The following AFF2 variants were observed in gnomAD, a reference collection of about 807,000 sequenced individuals.
AFF2 encodes the protein ALF transcription elongation factor 2, also known as AF4/FMR2 family member 2.
A neutral mutation model predicts 76.9 loss-of-function variants in AFF2; 14 were observed. The ratio of observed to expected loss-of-function variants is 0.18; its 90% CI spans 0.12 to 0.28. The LOEUF is 0.28. Among genes scored for constraint, AFF2 ranks in the 10% least tolerant of loss-of-function variants. AFF2 has a pLI of 1.00. For missense variants in AFF2, 868 were observed against 1,001.1 expected, an observed-to-expected ratio of 0.87 and a Z score of 1.79; for synonymous variants, 398 against 366.7, an observed-to-expected ratio of 1.09 and a Z score of -0.98.
chrX:148,562,885 C>T (rs782035309), intron 1 of AFF2, among the ~76,000 whole-genome samples: 8 of 111,622 alleles, frequency 7.2e-5, no homozygotes, highest in Non-Finnish European at 1.3e-4. Flanking sequence ...GGTCTGCAGA[C>T]ATGAAAAAAG....
intron 5 of AFF2, among the ~76,000 whole-genome samples, chrX:148,841,310 A>C (rs2124670541): frequency 8.9e-6 from 1 of 112,241 alleles, no homozygotes; most frequent in East Asian, 2.8e-4. Flanking sequence ...TACATGGTTA[A>C]CAAGTCATTT....
intron 4 of AFF2, among the ~76,000 whole-genome samples, chrX:148,826,386 TA>T (rs1199538539): frequency 0.017 from 1,779 of 102,895 alleles, 27 homozygotes; most frequent in African/African-American, 0.056. Flanking sequence ...ACCTTTTAAT[TA>T]AAAAAAAAAA....
chrX:148,938,677 T>G (rs914857878), intron 9 of AFF2, among the ~76,000 whole-genome samples: 2 of 112,293 alleles, frequency 1.8e-5, no homozygotes, highest in Non-Finnish European at 3.8e-5. Flanking sequence ...TCTTTATGTT[T>G]CAGTTGATGT....
chrX:148,773,710 G>GAA (rs1306413881), intron 3 of AFF2, among the ~76,000 whole-genome samples: 2 of 94,306 alleles, frequency 2.1e-5, no homozygotes, highest in Non-Finnish European at 2.0e-5. Context: ...AAGAAAGAAA[G>GAA]AAAGAAAGAA....
At chrX:148,916,775 C>G (rs2071538056) in intron 9 of AFF2, among the ~76,000 whole-genome samples, 2 of 111,779 alleles carry the variant, frequency 1.8e-5, no homozygotes, top group South Asian at 7.6e-4. Context: ...ATCATTCTCT[C>G]TCTCTCACTC....
chrX:148,549,738 T>A (rs2052968852), intron 1 of AFF2, among the ~76,000 whole-genome samples: 1 of 111,647 alleles, frequency 9.0e-6, no homozygotes, highest in Admixed American at 9.5e-5. Context: ...TTTTGTGGGA[T>A]TTGTGGTGAG....
chrX:148,773,681 GGAAGGAAAGAAAGAAAGAAAGAAAGAAA>G (rs1362041649), intron 3 of AFF2, among the ~76,000 whole-genome samples: 1,617 of 42,147 alleles, frequency 0.038, 52 homozygotes, highest in African/African-American at 0.1. Flanking sequence ...AAGGAAGGAA[GGAAGGAAAGAAAGAAAGAAAGAAAGAAA>G]GAAAGAAAGA....
At chrX:148,609,180 G>A (rs1723741166) in intron 1 of AFF2, among the ~76,000 whole-genome samples, 1 of 111,362 alleles carries the variant, frequency 9.0e-6, no homozygotes, top group Admixed American at 9.5e-5. Context: ...GAGGGTCTGT[G>A]AGAGCTTAAT....
chrX:148,581,285 T>TAC (rs2053384053), intron 1 of AFF2, among the ~76,000 whole-genome samples: 1 of 72,383 alleles, frequency 1.4e-5, no homozygotes, highest in African/African-American at 6.0e-5. Flanking sequence ...TACACGTATA[T>TAC]ACGTATACGT....
intron 3 of AFF2, among the ~76,000 whole-genome samples, chrX:148,734,997 T>G: frequency 8.9e-6 from 1 of 112,175 alleles, no homozygotes; most frequent in Non-Finnish European, 1.9e-5. Flanking sequence ...AATGTCATTG[T>G]GTGCCTATAG....
chrX:148,790,280 T>C (rs966459166), intron 3 of AFF2, among the ~76,000 whole-genome samples: 1 of 111,750 alleles, frequency 8.9e-6, no homozygotes, highest in Admixed American at 9.5e-5. Context: ...GACAGTGTGG[T>C]GATTCCTCAA....
At chrX:148,592,318 G>A (rs782438750) in intron 1 of AFF2, among the ~76,000 whole-genome samples, 8 of 110,860 alleles carry the variant, frequency 7.2e-5, no homozygotes, top group Non-Finnish European at 1.5e-4. Context: ...ACTAACATTG[G>A]TTTATTATAG....
chrX:148,567,496 A>G (rs2053182127), intron 1 of AFF2, among the ~76,000 whole-genome samples: 2 of 111,777 alleles, frequency 1.8e-5, no homozygotes. Flanking sequence ...TTATGGTGAC[A>G]CTGATGAGAC....
intron 3 of AFF2, among the ~76,000 whole-genome samples, chrX:148,677,001 G>A (rs185798452): frequency 9.0e-6 from 1 of 110,973 alleles, no homozygotes; most frequent in African/African-American, 3.3e-5. Flanking sequence ...AACATGTTAG[G>A]GCTGGTGAGA....
At chrX:148,638,856 A>G (rs1405890278) in intron 1 of AFF2, among the ~76,000 whole-genome samples, 1 of 111,738 alleles carries the variant, frequency 8.9e-6, no homozygotes, top group Non-Finnish European at 1.9e-5. Flanking sequence ...TATCCAAACT[A>G]TATCACCCAA....
intron 15 of AFF2, among the ~76,000 whole-genome samples, chrX:148,971,659 CAAG>C (rs1487734315): frequency 9.5e-6 from 1 of 105,785 alleles, no homozygotes; most frequent in African/African-American, 3.5e-5. Context: ...CAAGGCATGT[CAAG>C]AAGAATTGCA....
At chrX:148,955,079 T>C (rs73614054) in intron 10 of AFF2, among the ~76,000 whole-genome samples, 1,448 of 112,857 alleles carry the variant, frequency 0.013, 22 homozygotes, top group African/African-American at 0.044. Flanking sequence ...TCAGTAAAAA[T>C]ACAAAAGGCC....
chrX:148,806,932 T>C lies in AFF2; in HGVS notation c.1042-2944T>C, dbSNP rs782219907. Among the ~76,000 whole-genome samples, 3 of 112,495 alleles carry C rather than the reference T, an allele frequency of 2.7e-5. No individual in the cohort carries two copies. The East Asian group carries it at 8.4e-4, about 31-fold the overall frequency. Reference sequence around the variant, plus strand: ...AAAAGCACTTGCGGTTCAAATGTGGTTGTCTTACGGAGAAAACAGCAGTGG... The same window carrying C: ...AAAAGCACTTGCGGTTCAAATGTGGCTGTCTTACGGAGAAAACAGCAGTGG... On this transcript the variant is annotated intron_variant, in intron 3 of 20. Transcript: ENST00000370460.
chrX:148,748,365 C>T lies in AFF2; in HGVS notation c.1042-61511C>T, dbSNP rs1023083954. Among the ~76,000 whole-genome samples the T allele has an allele frequency of 2.7e-5, 3 of 111,809 alleles. No individual in the cohort carries two copies. The Admixed American group carries it at 2.8e-4, about 11-fold the overall frequency. On this transcript the variant is annotated intron_variant, in intron 3 of 20. Coordinates refer to ENST00000370460, the MANE Select transcript of AFF2 (RefSeq NM_002025.4). The stretch of plus-strand genomic sequence containing the variant: ...GAAAATACTGAGGTTTTTCTTTCCC[C>T]TTCAAGGTTAACAAGTACTCAGTGA...
Sources: allele counts gnomAD v4.1 joint callset (sites outside exome capture counted in the v4.1 genomes callset), GRCh38; gene constraint gnomAD v4.1.1; transcripts MANE v1.5; gene names NCBI Gene and HGNC (gene_info 2026-07-23, HGNC 2026-07-21).